The following FAH variants were observed in gnomAD, a reference collection of about 807,000 sequenced individuals.
The protein encoded by FAH is fumarylacetoacetase.
FAH carries 47 observed loss-of-function variants against 55.8 expected under a neutral mutation model. That is an observed-to-expected ratio of 0.84 (90% CI 0.67 to 1.07). The LOEUF is 1.07. Ranked by LOEUF, FAH falls within the 50% of genes least tolerant of loss-of-function variation. FAH has a pLI of 0.00. For missense variants in FAH, 495 were observed against 545.9 expected (o/e 0.91, Z 0.93); for synonymous variants, 199 against 207.7 (o/e 0.96, Z 0.36).
At chr15:80,160,125 C>T (rs772312062) in intron 3 of FAH, 4 of 632,994 alleles carry the variant, frequency 6.3e-6, no homozygotes, top group Non-Finnish European at 1.1e-5. Flanking sequence ...CTCTCTCTTA[C>T]TCAGGCTGTC....
chr15:80,173,137 C>T lies in FAH; in HGVS notation c.830C>T (p.Pro277Leu), dbSNP rs574779745. ...DALMPFAVPN[P>L]KQDPRPLPYL... ...CTCATGCCCTTTGCTGTGCCCAACCCGAAGCAGGTAAGCACATTCTCTGCA... is the reference window on the plus strand; with the variant it reads ...CTCATGCCCTTTGCTGTGCCCAACCTGAAGCAGGTAAGCACATTCTCTGCA... Residue 277 changes from proline to leucine, a missense_variant, in exon 9 of 14, where the codon CCG (proline) becomes CTG (leucine). Transcript: ENST00000561421. 2.0e-5 allele frequency: 33 copies of T among 1,614,228 alleles called. No homozygotes were observed. Among genetic ancestry groups the T allele is most frequent in the South Asian group, 9.9e-5 (9 of 91,084 alleles).
intron 13 of FAH, among the ~76,000 whole-genome samples, chr15:80,182,670 C>T (rs1407566384): frequency 6.6e-6 from 1 of 152,202 alleles, no homozygotes; most frequent in East Asian, 1.9e-4. Context: ...TCATTGCCCC[C>T]ATTTTGCAGA....
intron 1 of FAH, among the ~76,000 whole-genome samples, chr15:80,155,685 T>C (rs947437642): frequency 3.3e-5 from 5 of 151,108 alleles, no homozygotes; most frequent in African/African-American, 1.2e-4. Flanking sequence ...CCCGAATGGC[T>C]GGGCACACTG....
chr15:80,180,159 C>T lies in FAH; in HGVS notation c.996C>T (p.His332=), dbSNP rs182877963. The T allele has an allele frequency of 1.5e-5, 24 of 1,611,114 alleles. No individual in the cohort carries two copies. The African/African-American group carries it at 3.1e-4, about 21-fold the overall frequency. The change falls in exon 12 of 14, where the codon CAC becomes CAT. Residue 332 remains histidine, a synonymous_variant. Coordinates refer to ENST00000561421, the MANE Select transcript of FAH (RefSeq NM_000137.4). ...MYWTMLQQLT[H]HSVNGCNLRP... ...GGACGATGCTGCAGCAGCTCACTCA[C>T]CACTCTGTCAACGGCTGCAACCTGC...
intron 11 of FAH, among the ~76,000 whole-genome samples, chr15:80,179,682 A>G (rs980630044): frequency 8.5e-5 from 13 of 152,148 alleles, no homozygotes; most frequent in African/African-American, 1.7e-4. Context: ...GCATGGGAGA[A>G]TGGGAGCGAG....
intron 11 of FAH, 78 bp from the exon 12 acceptor site, chr15:80,180,046 C>T: frequency 1.0e-6 from 1 of 990,004 alleles, no homozygotes; most frequent in Non-Finnish European, 1.5e-6. Flanking sequence ...GTGAGCAGGG[C>T]AGGCTGTGCC....
chr15:80,168,734 C>CT (rs1207008886), intron 7 of FAH, among the ~76,000 whole-genome samples: 2 of 152,080 alleles, frequency 1.3e-5, no homozygotes, highest in Admixed American at 1.3e-4. Flanking sequence ...CAGATCTGTG[C>CT]TTTTTTGGCT....
At chr15:80,182,800 A>G (rs1296981575) in intron 13 of FAH, among the ~76,000 whole-genome samples, 10 of 152,226 alleles carry the variant, frequency 6.6e-5, no homozygotes, top group Admixed American at 5.9e-4. Context: ...TCTTTCTGCA[A>G]TGCTTGCCAG....
rs143769044 is a variant in FAH, at chr15:80,159,287, T to C, written c.193-469T>C. On this transcript the variant is annotated intron_variant, in intron 2 of 13. Coordinates refer to ENST00000561421, the MANE Select transcript of FAH (RefSeq NM_000137.4). ...TGAAGTCTCACTATATTGCCCAGGCTGATCTTGAACTCCTGGGCTCAAGTG... is the reference window on the plus strand; with the variant it reads ...TGAAGTCTCACTATATTGCCCAGGCCGATCTTGAACTCCTGGGCTCAAGTG... Among the ~76,000 whole-genome samples the C allele has an allele frequency of 5.6e-3, 844 of 152,026 alleles. 10 individuals are homozygous for C. The highest frequency in any genetic ancestry group is 0.019 in the African/African-American group (805 of 41,476).
At chr15:80,162,504 T>C in intron 5 of FAH, 168 bp downstream of exon 5, 1 of 697,924 alleles carries the variant, frequency 1.4e-6, no homozygotes, top group Admixed American at 2.0e-5. Context: ...GGTCTCCTGC[T>C]CAGCTTGGCT....
In FAH at chr15:80,153,069, G is replaced by C. The variant is rs1380504097; in HGVS notation, c.15G>C (p.Pro5=). 2 of 1,613,586 alleles carry C rather than the reference G, an allele frequency of 1.2e-6. No individual in the cohort carries two copies. Among genetic ancestry groups the C allele is most frequent in the Non-Finnish European group, 1.7e-6 (2 of 1,179,990 alleles). MSFI[P]VAEDSDFPIH... is the part of the protein sequence containing the mutation. ...TGCTCTTCAGCATGTCCTTCATCCCGGTGGCCGAGGATTCCGACTTCCCCA... is the reference window on the plus strand; with the variant it reads ...TGCTCTTCAGCATGTCCTTCATCCCCGTGGCCGAGGATTCCGACTTCCCCA... The change falls in exon 1 of 14, where the codon CCG becomes CCC. Residue 5 remains proline, a synonymous_variant. Transcript: ENST00000561421.
At chr15:80,160,661 G>A (rs2041141310) in intron 4 of FAH, 1 of 691,328 alleles carries the variant, frequency 1.4e-6, no homozygotes. Flanking sequence ...CTATTATCTT[G>A]CCTCAGGTAG....
intron 5 of FAH, among the ~76,000 whole-genome samples, chr15:80,166,738 G>A (rs561042426): frequency 1.0e-4 from 15 of 147,462 alleles, no homozygotes; most frequent in Admixed American, 5.6e-4. Flanking sequence ...CCAGGTTCAC[G>A]CCATTCTCCT....
At chr15:80,165,002 A>G (rs2041179334) in intron 5 of FAH, among the ~76,000 whole-genome samples, 1 of 152,252 alleles carries the variant, frequency 6.6e-6, no homozygotes, top group South Asian at 2.1e-4. Context: ...AGATAAGTTT[A>G]AATCTATCTC....
At chr15:80,179,459 G>A (rs540184616) in intron 11 of FAH, among the ~76,000 whole-genome samples, 1 of 152,226 alleles carries the variant, frequency 6.6e-6, no homozygotes, top group Non-Finnish European at 1.5e-5. Context: ...TTCCTATGCC[G>A]GGATGTGTGG....
chr15:80,164,824 C>T (rs7164048), intron 5 of FAH, among the ~76,000 whole-genome samples: 1 of 152,216 alleles, frequency 6.6e-6, no homozygotes, highest in Non-Finnish European at 1.5e-5. Context: ...TCACCAGAGG[C>T]AACTACTTTG....
At chr15:80,182,621 TTCATTTTCTAC>T (rs1243953263) in intron 13 of FAH, among the ~76,000 whole-genome samples, 8 of 152,232 alleles carry the variant, frequency 5.3e-5, no homozygotes, top group African/African-American at 1.9e-4. Context: ...CCTTCCTTAT[TTCATTTTCTAC>T]TCACAATAGC....
At chr15:80,161,177 A>G (rs1416194743) in intron 4 of FAH, among the ~76,000 whole-genome samples, 2 of 151,838 alleles carry the variant, frequency 1.3e-5, no homozygotes, top group African/African-American at 2.4e-5. Context: ...TCATACACTC[A>G]TGGGACTGTG....
intron 4 of FAH, among the ~76,000 whole-genome samples, chr15:80,161,956 G>A (rs1371350611): frequency 6.6e-6 from 1 of 152,230 alleles, no homozygotes; most frequent in East Asian, 1.9e-4. Context: ...GAAAAGTGGG[G>A]AGCCTGAGAA....
Sources: allele counts gnomAD v4.1 joint callset (sites outside exome capture counted in the v4.1 genomes callset), GRCh38; gene constraint gnomAD v4.1.1; transcripts MANE v1.5; gene names NCBI Gene and HGNC (gene_info 2026-07-23, HGNC 2026-07-21).